ANAPC13: variants seen among roughly 807,000 people sequenced by gnomAD.
The protein encoded by ANAPC13 is anaphase-promoting complex subunit 13.
ANAPC13 carries 9 observed loss-of-function variants against 9.6 expected under a neutral mutation model. That is an observed-to-expected ratio of 0.94 (90% CI 0.57 to 1.64). ANAPC13 has a LOEUF of 1.64. Ranked by LOEUF, ANAPC13 falls within the 40% of genes most tolerant of loss-of-function variation. ANAPC13 has a pLI of 0.00. For missense variants in ANAPC13, 75 were observed against 85.3 expected, an observed-to-expected ratio of 0.88 and a Z score of 0.48; for synonymous variants, 30 against 29.7, an observed-to-expected ratio of 1.01 and a Z score of -0.03.
At chr3:134,485,888 C>A in intron 1 of ANAPC13, 64 bp downstream of exon 1, 1 of 657,894 alleles carries the variant, frequency 1.5e-6, no homozygotes, top group Non-Finnish European at 1.9e-6. Flanking sequence ...GGAAGTCCGA[C>A]ACTGAGCAAC....
At chr3:134,484,525 C>T (rs1934909634) in intron 1 of ANAPC13, among the ~76,000 whole-genome samples, 1 of 152,324 alleles carries the variant, frequency 6.6e-6, no homozygotes, top group East Asian at 1.9e-4. Flanking sequence ...ACAAGGATCT[C>T]GGCAAAAGTT....
At chr3:134,485,991 G>GCCCC (rs5852785), upstream of ANAPC13, 18 of 940,682 alleles carry the variant, frequency 1.9e-5, no homozygotes, top group African/African-American at 1.1e-4. Context: ...CTCCTGCCAC[G>GCCCC]CCCCCCCCCC....
upstream of ANAPC13, chr3:134,486,003 T>A (rs927811543): frequency 3.5e-4 from 260 of 749,174 alleles, no homozygotes; most frequent in Middle Eastern, 6.6e-4. Context: ...CCCCCCCCCC[T>A]CCCCCGCATC....
intron 1 of ANAPC13, among the ~76,000 whole-genome samples, chr3:134,484,602 C>G (rs1470151797): frequency 6.6e-6 from 1 of 152,158 alleles, no homozygotes; most frequent in Non-Finnish European, 1.5e-5. Flanking sequence ...ATCCAGTACT[C>G]AATAATTAAC....
intron 2 of ANAPC13, among the ~76,000 whole-genome samples, chr3:134,480,114 A>G (rs928220498): frequency 2.0e-5 from 3 of 152,200 alleles, no homozygotes; most frequent in Non-Finnish European, 4.4e-5. Flanking sequence ...AGATTCAAAC[A>G]TACTTGAACA....
chr3:134,480,445 A>C (rs1934710782), intron 2 of ANAPC13, among the ~76,000 whole-genome samples: 1 of 152,270 alleles, frequency 6.6e-6, no homozygotes, highest in Non-Finnish European at 1.5e-5. Flanking sequence ...AAATGCCCTT[A>C]GTTCTTTGCA....
chr3:134,485,991 G>GGGGGCC, upstream of ANAPC13: 1 of 938,170 alleles, frequency 1.1e-6, no homozygotes, highest in Non-Finnish European at 1.3e-6. Context: ...CTCCTGCCAC[G>GGGGGCC]CCCCCCCCCC....
At chr3:134,480,491 A>G (rs1434576964) in intron 2 of ANAPC13, among the ~76,000 whole-genome samples, 3 of 152,250 alleles carry the variant, frequency 2.0e-5, no homozygotes, top group South Asian at 4.1e-4. Flanking sequence ...GATTTCCCCA[A>G]TCTTGGATTT....
At position 134,478,420 on chromosome 3, in the gene ANAPC13, A is replaced by G; in HGVS notation, c.*170T>C. The G allele has an allele frequency of 2.4e-6, 2 of 829,380 alleles. No individual in the cohort carries two copies. Among genetic ancestry groups the G allele is most frequent in the Non-Finnish European group, 3.7e-6 (2 of 533,768 alleles). The allele number at this position is 829,380 out of a possible 1,614,324, so 51.4% of individuals were successfully genotyped here. A position where few individuals can be genotyped will look rare whatever the true frequency, so the allele number is the denominator to read the frequency against. ...AGCGAAATATTCACCATTACTGAGA[A>G]ATCTCAGTTTCTCATTCAATTTCGC... is the stretch of plus-strand genomic sequence containing the variant. On this transcript the variant is annotated 3_prime_UTR_variant, in exon 3 of 3. Coordinates refer to ENST00000354910, the MANE Select transcript of ANAPC13 (RefSeq NM_015391.4).
In ANAPC13 at chr3:134,484,614, G is replaced by A. The variant is rs116531244; in HGVS notation, c.-28+1338C>T. 2.6e-3 allele frequency among the ~76,000 whole-genome samples: 402 copies of A among 152,270 alleles called. 4 individuals are homozygous for A. The highest frequency in any genetic ancestry group is 9.3e-3 in the African/African-American group (386 of 41,550). Reference sequence around the variant, plus strand: ...TTAATCCAGTACTCAATAATTAACCGAGTACTACCCAGTGGATAACTCAAA... The same window carrying A: ...TTAATCCAGTACTCAATAATTAACCAAGTACTACCCAGTGGATAACTCAAA... On this transcript the variant is annotated intron_variant, in intron 1 of 2. Coordinates refer to ENST00000354910, the MANE Select transcript of ANAPC13 (RefSeq NM_015391.4).
chr3:134,484,646 C>T (rs535675756), intron 1 of ANAPC13, among the ~76,000 whole-genome samples: 71 of 152,300 alleles, frequency 4.7e-4, no homozygotes, highest in African/African-American at 1.6e-3. Flanking sequence ...CAAAGCAAGA[C>T]GAAGTTTTGG....
chr3:134,477,715 A>G lies in ANAPC13; in HGVS notation c.*875T>C, dbSNP rs1324866827. The G allele has an allele frequency of 6.6e-6, 1 of 152,250 alleles. No homozygotes were observed. The highest frequency in any genetic ancestry group is 1.5e-5 in the Non-Finnish European group (1 of 68,048). The allele number at this position is 152,250 out of a possible 1,614,324, so 9.4% of individuals were successfully genotyped here. A position where few individuals can be genotyped will look rare whatever the true frequency, so the allele number is the denominator to read the frequency against. On this transcript the variant is annotated 3_prime_UTR_variant, in exon 3 of 3. Coordinates refer to ENST00000354910, the MANE Select transcript of ANAPC13 (RefSeq NM_015391.4). ...AAAAAGACCCAGCATAAAAAGGATG[A>G]GAAGAGATTTTAGTTATTCAGTGTT...
rs1414679823 is a variant in ANAPC13 at position 134,485,955 on chromosome 3, C to A, written c.-31G>T. 5.1e-6 allele frequency: 5 copies of A among 982,124 alleles called. No homozygotes were observed. The highest frequency in any genetic ancestry group is 6.0e-6 in the Non-Finnish European group (5 of 828,396). 60.8% of individuals were successfully genotyped at this position (982,124 alleles called of 1,614,324 possible). On this transcript the variant is annotated 5_prime_UTR_variant, in exon 1 of 3. Transcript: ENST00000354910. ...CGGGGGCGCTGGAAACCCTTACCGG[C>A]ACCCGGCCACCGCGGCAGACGCTTG...
chr3:134,482,288 T>C (rs973804962), intron 2 of ANAPC13, among the ~76,000 whole-genome samples: 2 of 152,190 alleles, frequency 1.3e-5, no homozygotes, highest in Admixed American at 6.5e-5. Flanking sequence ...GCAGCAGAGT[T>C]TTCCAAAGAT....
chr3:134,482,597 T>C, intron 2 of ANAPC13: 1 of 580,532 alleles, frequency 1.7e-6, no homozygotes, highest in Non-Finnish European at 3.1e-6. Context: ...GCATGACTCC[T>C]AACTGACCTG....
Position 134,482,820 on chromosome 3 carries a change from C to T in ANAPC13, c.85G>A (p.Val29Ile). The T allele has an allele frequency of 1.2e-6, 2 of 1,614,186 alleles. No homozygotes were observed. The highest frequency in any genetic ancestry group is 1.7e-6 in the Non-Finnish European group (2 of 1,179,992). The change falls in exon 2 of 3, where the codon GTC becomes ATC. Residue 29 changes from valine to isoleucine, a missense_variant. Coordinates refer to ENST00000354910, the MANE Select transcript of ANAPC13 (RefSeq NM_015391.4). ...TCATAACCTACCAGTGGTATTGCGA[C>T]ATCCTCATAAGGCAGCTTGTCTTCT... ...WREDKLPYEDVAIPLNELPEP... is the reference protein window; with the variant it reads ...WREDKLPYEDIAIPLNELPEP...
At chr3:134,483,888 C>A (rs530455113) in intron 1 of ANAPC13, among the ~76,000 whole-genome samples, 1 of 152,306 alleles carries the variant, frequency 6.6e-6, no homozygotes, top group Non-Finnish European at 1.5e-5. Context: ...TTTCAGAGCT[C>A]AGCCTGGGTG....
intron 2 of ANAPC13, among the ~76,000 whole-genome samples, chr3:134,480,479 C>G (rs533639752): frequency 2.0e-4 from 31 of 152,208 alleles, no homozygotes; most frequent in Non-Finnish European, 3.2e-4. Flanking sequence ...AAAGGTGAAA[C>G]TGATTTCCCC....
intron 2 of ANAPC13, among the ~76,000 whole-genome samples, chr3:134,482,473 ATGC>A (rs1311364255): frequency 2.0e-5 from 3 of 152,242 alleles, no homozygotes; most frequent in Non-Finnish European, 4.4e-5. Flanking sequence ...CAGAGCTCAT[ATGC>A]TGCTGCTTCT....
Sources: gnomAD v4.1 joint callset for allele counts (sites outside exome capture counted in the v4.1 genomes callset) on GRCh38, gnomAD v4.1.1 for gene constraint, MANE v1.5 for transcripts, NCBI Gene and HGNC (gene_info 2026-07-23, HGNC 2026-07-21) for gene names.